The following RPS6KC1 variants were observed in gnomAD, a reference collection of about 807,000 sequenced individuals.
RPS6KC1 encodes the protein inactive ribosomal protein S6 kinase delta-1.
Under a neutral mutation model 103.8 loss-of-function variants are expected in RPS6KC1, and 54 were observed. The observed-to-expected ratio is 0.52, with a 90% confidence interval of 0.42 to 0.65. The LOEUF (loss-of-function observed/expected upper bound fraction) is 0.65, where lower values mean the gene tolerates loss of function less well. Among genes scored for constraint, RPS6KC1 ranks in the 30% least tolerant of loss-of-function variants. The pLI, the probability that RPS6KC1 is intolerant of heterozygous loss-of-function variation, is 0.00. For missense variants in RPS6KC1, 1,151 were observed against 1,253.8 expected, an observed-to-expected ratio of 0.92 and a Z score of 1.24; for synonymous variants, 439 against 438.7, an observed-to-expected ratio of 1.00 and a Z score of -0.01.
At chr1:213,606,939 G>A in the RPS6KC1 span, among the ~76,000 whole-genome samples, 48 of 152,332 alleles carry the variant, frequency 3.2e-4, no homozygotes, top group Admixed American at 1.6e-3. Flanking sequence ...AAGCAACAAT[G>A]AGAGTATGAT....
chr1:213,603,375 G>C, the RPS6KC1 span, among the ~76,000 whole-genome samples: 1 of 152,220 alleles, frequency 6.6e-6, no homozygotes, highest in African/African-American at 2.4e-5. Context: ...TGCTCCTGGG[G>C]AGAGGGTAAA....
chr1:213,386,870 CAGA>C, the RPS6KC1 span, among the ~76,000 whole-genome samples: 11 of 152,156 alleles, frequency 7.2e-5, no homozygotes, highest in South Asian at 2.1e-4. Flanking sequence ...TCTCTGGTGT[CAGA>C]AGGTGTCCTT....
the RPS6KC1 span, among the ~76,000 whole-genome samples, chr1:213,543,467 C>T: frequency 6.6e-6 from 1 of 152,168 alleles, no homozygotes; most frequent in African/African-American, 2.4e-5. Context: ...TTCCAGATTT[C>T]CAGCTTAGGT....
intron 14 of RPS6KC1, 34 bp downstream of exon 14, chr1:213,262,850 A>G: frequency 7.8e-7 from 1 of 1,280,902 alleles, no homozygotes; most frequent in Non-Finnish European, 1.1e-6. Context: ...AGGTTTATCA[A>G]CCATGCAGAT....
chr1:213,384,983 GC>G, the RPS6KC1 span, among the ~76,000 whole-genome samples: 4 of 152,258 alleles, frequency 2.6e-5, 1 homozygote, highest in South Asian at 8.3e-4. Flanking sequence ...TGCCTGGGGG[GC>G]TGAATAATGG....
At chr1:213,245,501 G>C (rs1216919334) in intron 12 of RPS6KC1, among the ~76,000 whole-genome samples, 1 of 152,168 alleles carries the variant, frequency 6.6e-6, no homozygotes, top group Non-Finnish European at 1.5e-5. Context: ...ACTCACTTCT[G>C]TTTAAACAGT....
At chr1:213,323,888 G>A in the RPS6KC1 span, among the ~76,000 whole-genome samples, 9 of 152,110 alleles carry the variant, frequency 5.9e-5, no homozygotes, top group East Asian at 1.9e-4. Context: ...ATCATCATTA[G>A]GGTTCACTCT....
At chr1:213,300,464 C>T in the RPS6KC1 span, among the ~76,000 whole-genome samples, 20 of 152,306 alleles carry the variant, frequency 1.3e-4, no homozygotes, top group African/African-American at 4.3e-4. Flanking sequence ...AAAATGCAAC[C>T]TGCCACACCC....
chr1:213,459,339 ATGTATG>A, the RPS6KC1 span, among the ~76,000 whole-genome samples: 7 of 151,752 alleles, frequency 4.6e-5, no homozygotes, highest in African/African-American at 1.7e-4. Flanking sequence ...TCTTGGGAGG[ATGTATG>A]TGTCCAGGAA....
At chr1:213,552,064 C>T in the RPS6KC1 span, among the ~76,000 whole-genome samples, 2 of 152,348 alleles carry the variant, frequency 1.3e-5, no homozygotes, top group South Asian at 4.1e-4. Context: ...TAATATCTCA[C>T]TATCTGGGTG....
the RPS6KC1 span, among the ~76,000 whole-genome samples, chr1:213,384,976 C>T: frequency 6.6e-6 from 1 of 152,124 alleles, no homozygotes; most frequent in Non-Finnish European, 1.5e-5. Context: ...GTTTTACTGC[C>T]TGGGGGGCTG....
chr1:213,809,153 A>G, the RPS6KC1 span, among the ~76,000 whole-genome samples: 2 of 152,194 alleles, frequency 1.3e-5, no homozygotes, highest in African/African-American at 4.8e-5. Context: ...TTGAACTCTT[A>G]TAGGCCACTG....
At chr1:213,093,546 A>G (rs981692627) in intron 3 of RPS6KC1, among the ~76,000 whole-genome samples, 4 of 152,142 alleles carry the variant, frequency 2.6e-5, no homozygotes, top group Non-Finnish European at 5.9e-5. Flanking sequence ...TTACATTAGT[A>G]AGTAAACTTC....
intron 8 of RPS6KC1, among the ~76,000 whole-genome samples, chr1:213,206,967 C>T (rs536175231): frequency 5.8e-4 from 89 of 152,180 alleles, no homozygotes; most frequent in African/African-American, 2.0e-3. Flanking sequence ...AAAAATTAGC[C>T]GGGCATGCTG....
At chr1:213,446,091 A>C in the RPS6KC1 span, among the ~76,000 whole-genome samples, 2 of 152,176 alleles carry the variant, frequency 1.3e-5, no homozygotes, top group African/African-American at 4.8e-5. Context: ...CGTGCTGTTG[A>C]AATGAGTATT....
chr1:213,420,614 C>G, the RPS6KC1 span, among the ~76,000 whole-genome samples: 2 of 152,250 alleles, frequency 1.3e-5, no homozygotes, highest in East Asian at 1.9e-4. Flanking sequence ...TCCCAGTTGT[C>G]TGCTTCACGG....
chr1:213,798,710 A>G, the RPS6KC1 span, among the ~76,000 whole-genome samples: 2 of 152,226 alleles, frequency 1.3e-5, no homozygotes, highest in African/African-American at 2.4e-5. Flanking sequence ...ATACAGGTTC[A>G]TTTGAAATTT....
chr1:213,689,932 G>A, the RPS6KC1 span, among the ~76,000 whole-genome samples: 1 of 152,196 alleles, frequency 6.6e-6, no homozygotes, highest in African/African-American at 2.4e-5. Context: ...CTCATGGAGT[G>A]TGGTTGCTGT....
At chr1:213,056,231 C>T (rs779442951) in intron 1 of RPS6KC1, among the ~76,000 whole-genome samples, 1 of 152,072 alleles carries the variant, frequency 6.6e-6, no homozygotes, top group Non-Finnish European at 1.5e-5. Context: ...CACAGGGGCC[C>T]GGTGAGTAGG....
Sources: gnomAD v4.1 joint callset for allele counts (sites outside exome capture counted in the v4.1 genomes callset) on GRCh38, gnomAD v4.1.1 for gene constraint, MANE v1.5 for transcripts, NCBI Gene and HGNC (gene_info 2026-07-23, HGNC 2026-07-21) for gene names.